RSAD2: variants seen among roughly 807,000 people sequenced by gnomAD.
RSAD2 encodes radical S-adenosyl methionine domain containing 2, also known as S-adenosylmethionine-dependent nucleotide dehydratase RSAD2.
Under a neutral mutation model 37.7 loss-of-function variants are expected in RSAD2, and 38 were observed. The observed-to-expected ratio is 1.01, with a 90% CI of 0.78 to 1.32. The LOEUF is 1.32. Among genes scored for constraint, RSAD2 ranks in the 40% most tolerant of loss-of-function variants. The pLI is 0.00. For synonymous variants in RSAD2, 163 were observed against 157.4 expected (o/e 1.04, Z -0.27); for missense variants, 428 against 437.5 (o/e 0.98, Z 0.19).
chr2:6,883,496 G>A lies in RSAD2; in HGVS notation c.472G>A (p.Gly158Arg), dbSNP rs1663456415. ...RLPSVSIVSN[G>R]SLIRERWFQN... is the part of the protein sequence containing the mutation. ...GCCCAGCGTGAGCATCGTGAGCAAT[G>A]GAAGCCTGATCCGGGAGAGGTGGTT... Residue 158 changes from glycine (G) to arginine (R), a missense_variant, in exon 2 of 6, where the codon GGA (glycine) becomes AGA (arginine). Gly to Arg is a moderately radical substitution (Grantham distance 125, BLOSUM62 -2). Transcript: ENST00000382040. The A allele has an allele frequency of 6.2e-7, 1 of 1,614,058 alleles. No individual in the cohort carries two copies. Among genetic ancestry groups the A allele is most frequent in the Non-Finnish European group, 8.5e-7 (1 of 1,180,042 alleles).
chr2:6,897,236 C>T lies in RSAD2; in HGVS notation c.*1294C>T, dbSNP rs768359674. 6 of 151,950 alleles carry T rather than the reference C, an allele frequency of 3.9e-5. No individual in the cohort carries two copies. The highest frequency in any genetic ancestry group is 7.4e-5 in the Non-Finnish European group (5 of 68,008). 9.4% of individuals were successfully genotyped at this position (151,950 alleles called of 1,614,324 possible). A position where few individuals can be genotyped will look rare whatever the true frequency, so the allele number is the denominator to read the frequency against. ...TTGATACAACTTAGTATCTTATTGC[C>T]TAAAAAAAAATTTCTTATCATTGTT... On this transcript the variant is annotated 3_prime_UTR_variant, in exon 6 of 6. Transcript: ENST00000382040.
chr2:6,888,531 A>G (rs1261255743), intron 3 of RSAD2, among the ~76,000 whole-genome samples: 2 of 152,042 alleles, frequency 1.3e-5, no homozygotes, highest in African/African-American at 2.4e-5. Context: ...CGTCTTCCCT[A>G]TGTTTCCTGT....
chr2:6,878,862 T>C, intron 1 of RSAD2: 1 of 1,230,640 alleles, frequency 8.1e-7, no homozygotes, highest in South Asian at 1.4e-5. Context: ...TCTAGCTTCT[T>C]TCCCTCCTTG....
chr2:6,891,332 T>C (rs1663625182), intron 4 of RSAD2, among the ~76,000 whole-genome samples: 1 of 152,192 alleles, frequency 6.6e-6, no homozygotes, highest in South Asian at 2.1e-4. Context: ...TATAAATTAT[T>C]GCAACTTTCC....
At chr2:6,872,055 G>T (rs1356195903) in intron 1 of RSAD2, among the ~76,000 whole-genome samples, 2 of 152,060 alleles carry the variant, frequency 1.3e-5, no homozygotes, top group African/African-American at 4.8e-5. Flanking sequence ...GAATAGATGG[G>T]GTGGATGCAG....
chr2:6,867,489 C>G (rs2122103), intron 1 of RSAD2, among the ~76,000 whole-genome samples: 143,590 of 152,296 alleles, frequency 0.94, 68,220 homozygotes, highest in East Asian at 1. Context: ...CTATTGAAAG[C>G]CTTATTTTGA....
intron 4 of RSAD2, among the ~76,000 whole-genome samples, chr2:6,891,218 A>T (rs1047730717): frequency 6.6e-6 from 1 of 152,174 alleles, no homozygotes; most frequent in African/African-American, 2.4e-5. Flanking sequence ...TGGTGAATAA[A>T]CATTTTAAGA....
At chr2:6,893,940 CT>C (rs1663686907) in intron 5 of RSAD2, among the ~76,000 whole-genome samples, 3 of 152,184 alleles carry the variant, frequency 2.0e-5, no homozygotes, top group Admixed American at 2.0e-4. Flanking sequence ...CTGATTTGCA[CT>C]GAGCACCATA....
At chr2:6,874,419 A>C (rs963326612), upstream of RSAD2, among the ~76,000 whole-genome samples, 1 of 152,222 alleles carries the variant, frequency 6.6e-6, no homozygotes, top group Non-Finnish European at 1.5e-5. Context: ...TGTATGCCAC[A>C]AAAATACCTA....
intron 1 of RSAD2, among the ~76,000 whole-genome samples, chr2:6,867,218 G>A (rs940338228): frequency 6.6e-6 from 1 of 152,144 alleles, no homozygotes; most frequent in African/African-American, 2.4e-5. Flanking sequence ...GGACTGGGCC[G>A]CCTAAACAAT....
In RSAD2 at chr2:6,883,465, G is replaced by A; in HGVS notation, c.441G>A (p.Leu147=). ...GKLVRFCKVE[L]RLPSVSIVSN... Reference sequence around the variant, plus strand: ...TGGTGAGGTTCTGCAAAGTAGAGTTGCGGCTGCCCAGCGTGAGCATCGTGA... The same window carrying A: ...TGGTGAGGTTCTGCAAAGTAGAGTTACGGCTGCCCAGCGTGAGCATCGTGA... The change falls in exon 2 of 6, where the codon TTG becomes TTA. Residue 147 remains leucine (L), a synonymous_variant. Coordinates refer to ENST00000382040, the MANE Select transcript of RSAD2 (RefSeq NM_080657.5). The A allele has an allele frequency of 6.2e-7, 1 of 1,614,178 alleles. No homozygotes were observed. Among genetic ancestry groups the A allele is most frequent in the Non-Finnish European group, 8.5e-7 (1 of 1,180,026 alleles).
At chr2:6,870,537 C>T (rs1445851993) in intron 1 of RSAD2, among the ~76,000 whole-genome samples, 1 of 152,124 alleles carries the variant, frequency 6.6e-6, no homozygotes, top group Non-Finnish European at 1.5e-5. Flanking sequence ...TATTTTTTCC[C>T]CCATAGGTCT....
chr2:6,894,208 T>G (rs368302101), intron 5 of RSAD2, among the ~76,000 whole-genome samples: 2 of 152,146 alleles, frequency 1.3e-5, no homozygotes, highest in African/African-American at 4.8e-5. Context: ...CCACTGATAT[T>G]ATTCCTACCC....
rs753068844 is a variant in RSAD2 at position 6,887,103 on chromosome 2, G to A, written c.677G>A (p.Arg226His). Residue 226 changes from arginine (R) to histidine (H), a missense_variant, in exon 3 of 6, where the codon CGT becomes CAT. Transcript: ENST00000382040. ...VAFKINSVIN[R>H]FNVEEDMTEQ... ...TTCAAGATAAATTCTGTCATTAATCGTTTCAACGTGGAAGAGGACATGACG... is the reference window on the plus strand; with the variant it reads ...TTCAAGATAAATTCTGTCATTAATCATTTCAACGTGGAAGAGGACATGACG... The A allele has an allele frequency of 5.0e-6, 8 of 1,614,108 alleles. No individual in the cohort carries two copies. The highest frequency in any genetic ancestry group is 2.2e-5 in the East Asian group (1 of 44,884).
At chr2:6,871,677 T>C (rs756710604) in intron 1 of RSAD2, among the ~76,000 whole-genome samples, 6 of 152,228 alleles carry the variant, frequency 3.9e-5, no homozygotes, top group Non-Finnish European at 5.9e-5. Flanking sequence ...AGCTAAAAGA[T>C]CATTACTTGT....
chr2:6,872,324 T>C (rs1356004726), intron 1 of RSAD2, among the ~76,000 whole-genome samples: 1 of 152,178 alleles, frequency 6.6e-6, no homozygotes, highest in Non-Finnish European at 1.5e-5. Context: ...GATCTGTTAG[T>C]AAAAATGAAC....
upstream of RSAD2, among the ~76,000 whole-genome samples, chr2:6,877,395 T>G (rs1663303713): frequency 6.6e-6 from 1 of 152,240 alleles, no homozygotes; most frequent in South Asian, 2.1e-4. Flanking sequence ...GAGCAAAAAC[T>G]GTTACTTGGC....
upstream of RSAD2, among the ~76,000 whole-genome samples, chr2:6,874,219 A>C (rs1410143583): frequency 6.6e-6 from 1 of 152,082 alleles, no homozygotes; most frequent in East Asian, 1.9e-4. Flanking sequence ...AAGTTTCCTG[A>C]GGCCTCCCCA....
In RSAD2 at chr2:6,877,955, T is replaced by A. The variant is rs747037332; in HGVS notation, c.155T>A (p.Val52Asp). ...ACCAAGAGGAGAAAGCAGCAGCTGG[T>A]CCTGAGAGGGCCAGATGAGACCAAA... Reference protein sequence around the residue: ...LATKRRKQQLVLRGPDETKEE... With the variant: ...LATKRRKQQLDLRGPDETKEE... Residue 52 changes from valine to aspartate, a missense_variant, in exon 1 of 6, where the codon GTC becomes GAC. Physicochemically the swap from Val to Asp is radical, Grantham distance 152. Transcript: ENST00000382040. The A allele has an allele frequency of 1.8e-5, 29 of 1,613,958 alleles. No homozygotes were observed. The South Asian group carries it at 3.0e-4, about 16-fold the overall frequency.
Sources: allele counts gnomAD v4.1 joint callset (sites outside exome capture counted in the v4.1 genomes callset), GRCh38; gene constraint gnomAD v4.1.1; transcripts MANE v1.5; gene names NCBI Gene and HGNC (gene_info 2026-07-23, HGNC 2026-07-21).